Variants in RANBP10 observed in about 807,000 individuals in gnomAD.
RANBP10 encodes the protein ran-binding protein 10.
In RANBP10, 24 loss-of-function variants were observed where a neutral mutation model predicts 72.8. The observed-to-expected ratio is 0.33, with a 90% confidence interval of 0.24 to 0.46. The LOEUF (loss-of-function observed/expected upper bound fraction) is 0.46, where lower values mean the gene tolerates loss of function less well. Ranked by LOEUF, RANBP10 falls within the 20% of genes least tolerant of loss-of-function variation. The probability of loss-of-function intolerance (pLI) is 1.00; values close to 1 mark genes in which losing one functional copy is unlikely to be tolerated. For missense variants in RANBP10, 679 were observed against 817.5 expected (o/e 0.83, Z 2.07); for synonymous variants, 310 against 322.3 (o/e 0.96, Z 0.41).
chr16:67,750,933 A>AT (rs1335551719), intron 3 of RANBP10, among the ~76,000 whole-genome samples: 3 of 151,638 alleles, frequency 2.0e-5, no homozygotes, highest in African/African-American at 7.3e-5. Context: ...CGCCTGGCTA[A>AT]TTTTTTGTAT....
intron 5 of RANBP10, among the ~76,000 whole-genome samples, chr16:67,736,755 T>C (rs2143003439): frequency 6.6e-6 from 1 of 152,356 alleles, no homozygotes; most frequent in South Asian, 2.1e-4. Context: ...ATTCTCCACC[T>C]GATTCTGTTC....
intron 2 of RANBP10, among the ~76,000 whole-genome samples, chr16:67,777,135 G>A (rs530472379): frequency 5.3e-5 from 8 of 151,052 alleles, no homozygotes; most frequent in Non-Finnish European, 1.0e-4. Flanking sequence ...GCAGGAACCC[G>A]GGAGGTGGAA....
chr16:67,728,019 G>A, intron 11 of RANBP10, 123 bp from the exon 12 acceptor site: 1 of 1,077,872 alleles, frequency 9.3e-7, no homozygotes, highest in Non-Finnish European at 1.4e-6. Context: ...AGGGCTGGGA[G>A]GAACAGGTGA....
At chr16:67,798,015 A>C (rs1417229324) in intron 2 of RANBP10, among the ~76,000 whole-genome samples, 1 of 150,264 alleles carries the variant, frequency 6.7e-6, no homozygotes, top group African/African-American at 2.4e-5. Context: ...AAAAAAAGCA[A>C]AGAACAGTGG....
chr16:67,751,057 C>G lies in RANBP10; in HGVS notation c.401-6602G>C, dbSNP rs548061184. Among the ~76,000 whole-genome samples the G allele has an allele frequency of 2.0e-5, 3 of 152,260 alleles. No homozygotes were observed. In the East Asian group the frequency reaches 5.8e-4, roughly 29 times the overall value. On this transcript the variant is annotated intron_variant, in intron 3 of 13. Transcript: ENST00000317506. Reference sequence around the variant, plus strand: ...CTGGGATTACAGGCGTGAGCCACCACGCCCAGCCCCTTTTTTCACTTTCTC... The same window carrying G: ...CTGGGATTACAGGCGTGAGCCACCAGGCCCAGCCCCTTTTTTCACTTTCTC...
intron 4 of RANBP10, among the ~76,000 whole-genome samples, chr16:67,742,389 TACA>T (rs1347202426): frequency 6.6e-6 from 1 of 152,184 alleles, no homozygotes; most frequent in Non-Finnish European, 1.5e-5. Flanking sequence ...ATATTTGAGA[TACA>T]ACAAGTAAGA....
chr16:67,783,025 T>C (rs1253391936), intron 2 of RANBP10, among the ~76,000 whole-genome samples: 1 of 152,062 alleles, frequency 6.6e-6, no homozygotes, highest in Admixed American at 6.6e-5. Context: ...GTCAGCTCCT[T>C]GGTCCACCTA....
chr16:67,764,048 A>C (rs1030185513), intron 3 of RANBP10, among the ~76,000 whole-genome samples: 1 of 152,348 alleles, frequency 6.6e-6, no homozygotes, highest in African/African-American at 2.4e-5. Context: ...CAGAGAAAAG[A>C]GCAGTCCAAT....
intron 6 of RANBP10, 137 bp downstream of exon 6, chr16:67,734,721 G>T: frequency 2.2e-6 from 2 of 889,866 alleles, no homozygotes; most frequent in East Asian, 3.1e-5. Context: ...GCTGCAGGCT[G>T]AATGGCCCTG....
Position 67,729,010 on chromosome 16 carries a change from A to AT in RANBP10, c.1352+269_1352+270insA, listed in dbSNP as rs2053666799. On this transcript the variant is annotated intron_variant, in intron 10 of 13. Coordinates refer to ENST00000317506, the MANE Select transcript of RANBP10 (RefSeq NM_020850.3). This position sits in a 1 kb window ranked among gnomAD's most constrained non-coding sequence, Gnocchi z 7.1. ...CATGATGGACCCTGAGGGTTCTCAC[A>AT]GGCCCGGCCTCTTTGGAGGAGACCA... Among the ~76,000 whole-genome samples the AT allele has an allele frequency of 3.9e-5, 6 of 152,368 alleles. No homozygotes were observed. The South Asian group carries it at 1.2e-3, about 32-fold the overall frequency.
intron 2 of RANBP10, among the ~76,000 whole-genome samples, chr16:67,795,860 TAAACAAACAAAC>T (rs147766666): frequency 6.8e-6 from 1 of 147,950 alleles, no homozygotes; most frequent in Admixed American, 6.8e-5. Flanking sequence ...GTCTCAAAAA[TAAACAAACAAAC>T]AAACAAACAA....
intron 3 of RANBP10, among the ~76,000 whole-genome samples, chr16:67,755,683 C>CA (rs58929828): frequency 0.11 from 5,866 of 52,110 alleles, 255 homozygotes; most frequent in African/African-American, 0.17. Flanking sequence ...GACTCTGCCT[C>CA]AAAAAAAAAA....
rs2054617798 is a variant in RANBP10 at position 67,772,092 on chromosome 16, A to C, written c.348-6T>G. The C allele has an allele frequency of 1.4e-6, 1 of 734,380 alleles. No individual in the cohort carries two copies. The highest frequency in any genetic ancestry group is 1.9e-6 in the Non-Finnish European group (1 of 522,510). 45.5% of individuals were successfully genotyped at this position (734,380 alleles called of 1,614,324 possible). A position where few individuals can be genotyped will look rare whatever the true frequency, so the allele number is the denominator to read the frequency against. ...AGAGTCCTATTCCCATGTAACTTCAAAAAAAAAAAAAAAAAAAACACAAAA... is the reference window on the plus strand; with the variant it reads ...AGAGTCCTATTCCCATGTAACTTCACAAAAAAAAAAAAAAAAAACACAAAA... On this transcript the variant is annotated splice_polypyrimidine_tract_variant and splice_region_variant and intron_variant, in intron 2 of 13. Coordinates refer to ENST00000317506, the MANE Select transcript of RANBP10 (RefSeq NM_020850.3).
chr16:67,744,504 A>C, intron 3 of RANBP10, 49 bp from the exon 4 acceptor site: 1 of 1,544,954 alleles, frequency 6.5e-7, no homozygotes, highest in Non-Finnish European at 8.8e-7. Flanking sequence ...TGAGGGAGGA[A>C]CAAGACAAGT....
intron 7 of RANBP10, chr16:67,731,188 G>A (rs1254392338): frequency 8.2e-6 from 3 of 364,516 alleles, no homozygotes; most frequent in African/African-American, 4.2e-5. Context: ...GAAACAAGCA[G>A]GGAGGAAATG....
Position 67,806,494 on chromosome 16 carries a change from G to C in RANBP10, c.43C>G (p.Pro15Ala), listed in dbSNP as rs1221946196. 3.3e-6 allele frequency: 5 copies of C among 1,536,150 alleles called. No homozygotes were observed. Among genetic ancestry groups the C allele is most frequent in the Non-Finnish European group, 8.7e-7 (1 of 1,147,896 alleles). ...GCGCCCCCGCCGGAGGAGTCCCCAGGCTGCGGGTTCCCAGCTCCCGGGTCT... is the reference window on the plus strand; with the variant it reads ...GCGCCCCCGCCGGAGGAGTCCCCAGCCTGCGGGTTCCCAGCTCCCGGGTCT... The part of the protein sequence containing the change: ...TADPGAGNPQ[P>A]GDSSGGGAGG... Residue 15 changes from proline to alanine, a missense_variant, in exon 1 of 14, where the codon CCT becomes GCT. Transcript: ENST00000317506.
chr16:67,728,129 C>T (rs572085635), intron 11 of RANBP10, among the ~76,000 whole-genome samples: 3 of 152,346 alleles, frequency 2.0e-5, no homozygotes, highest in African/African-American at 7.2e-5. Context: ...CCTGCACAGA[C>T]GCAGGGTGCT....
chr16:67,792,745 C>T lies in RANBP10; in HGVS notation c.347+12683G>A, dbSNP rs149777606. On this transcript the variant is annotated intron_variant, in intron 2 of 13. Coordinates refer to ENST00000317506, the MANE Select transcript of RANBP10 (RefSeq NM_020850.3). ...TTGCAGTGAGCCAAGATCACACCAC[C>T]GCACTCCAGCCTGGCAACAGAGCAA... 5.1e-3 allele frequency among the ~76,000 whole-genome samples: 768 copies of T among 149,842 alleles called. 4 individuals are homozygous for T. Among genetic ancestry groups the T allele is most frequent in the African/African-American group, 0.018 (751 of 40,714 alleles).
chr16:67,743,213 C>T (rs1244500936), intron 4 of RANBP10, among the ~76,000 whole-genome samples: 2 of 152,220 alleles, frequency 1.3e-5, no homozygotes, highest in Non-Finnish European at 2.9e-5. Flanking sequence ...TACTGACCCT[C>T]AAGGCAAGGG....
Sources: gnomAD v4.1 joint callset for allele counts (sites outside exome capture counted in the v4.1 genomes callset) on GRCh38, gnomAD v4.1.1 for gene constraint, Gnocchi (gnomAD v3.1) non-coding constraint, MANE v1.5 for transcripts, NCBI Gene and HGNC (gene_info 2026-07-23, HGNC 2026-07-21) for gene names.